The following CCDC171 variants were observed in gnomAD, a reference collection of about 807,000 sequenced individuals.
CCDC171 encodes the protein coiled-coil domain-containing protein 171.
Under a neutral mutation model 168.2 loss-of-function variants are expected in CCDC171, and 177 were observed. That is an observed-to-expected ratio of 1.05 (90% CI 0.93 to 1.19). CCDC171 has a LOEUF of 1.19. Among genes scored for constraint, CCDC171 ranks in the 50% most tolerant of loss-of-function variants. The pLI is 0.00. For synonymous variants in CCDC171, 687 were observed against 540.8 expected, an observed-to-expected ratio of 1.27 and a Z score of -3.75; for missense variants, 1,991 against 1,539.0, an observed-to-expected ratio of 1.29 and a Z score of -4.91.
intron 23 of CCDC171, among the ~76,000 whole-genome samples, chr9:15,872,993 A>G (rs1195028929): frequency 6.6e-6 from 1 of 152,112 alleles, no homozygotes; most frequent in Non-Finnish European, 1.5e-5. Flanking sequence ...TTTGTTGCAG[A>G]TAAATATACA....
chr9:15,778,639 G>C (rs2057478310), intron 19 of CCDC171, among the ~76,000 whole-genome samples: 1 of 26,376 alleles, frequency 3.8e-5, no homozygotes, highest in Non-Finnish European at 9.3e-5. Context: ...GAGTAAGACT[G>C]TCTCAAAAAA....
At chr9:15,562,248 C>T (rs1012999337) in intron 1 of CCDC171, among the ~76,000 whole-genome samples, 3 of 152,116 alleles carry the variant, frequency 2.0e-5, no homozygotes, top group Non-Finnish European at 4.4e-5. Context: ...CCCACCTCGG[C>T]CTCCCTAAGT....
At chr9:15,926,425 C>G (rs1478147018) in intron 25 of CCDC171, among the ~76,000 whole-genome samples, 3 of 151,666 alleles carry the variant, frequency 2.0e-5, no homozygotes, top group Admixed American at 6.6e-5. Context: ...CCAATCCATT[C>G]TTGCACCATC....
chr9:15,600,437 G>A (rs2131629253), intron 6 of CCDC171, among the ~76,000 whole-genome samples: 1 of 152,298 alleles, frequency 6.6e-6, no homozygotes, highest in Non-Finnish European at 1.5e-5. Context: ...AGCAGTAGAG[G>A]CTGCAGAACA....
At chr9:15,875,643 T>G (rs536614074) in intron 24 of CCDC171, 1 of 152,160 alleles carries the variant, frequency 6.6e-6, no homozygotes, top group East Asian at 1.9e-4. Context: ...TCATTTTAGT[T>G]TATGACCCTG....
chr9:15,871,992 ATACT>A (rs373227254), intron 23 of CCDC171, among the ~76,000 whole-genome samples: 9 of 152,002 alleles, frequency 5.9e-5, no homozygotes, highest in African/African-American at 1.7e-4. Context: ...AACATTTTAG[ATACT>A]TACTCTCAAA....
At chr9:15,598,244 G>T (rs1414608434) in intron 6 of CCDC171, among the ~76,000 whole-genome samples, 9 of 151,976 alleles carry the variant, frequency 5.9e-5, no homozygotes, top group African/African-American at 2.2e-4. Flanking sequence ...TGATGTTAGG[G>T]TGTCAATTTT....
chr9:15,553,230 C>T lies in CCDC171; in HGVS notation c.-184C>T, dbSNP rs1409325421. 1 of 153,040 alleles carries T rather than the reference C, an allele frequency of 6.5e-6. No individual in the cohort carries two copies. Among genetic ancestry groups the T allele is most frequent in the Non-Finnish European group, 1.5e-5 (1 of 68,736 alleles). 9.5% of individuals were successfully genotyped at this position (153,040 alleles called of 1,614,324 possible). On this transcript the variant is annotated 5_prime_UTR_variant, in exon 1 of 26. Coordinates refer to ENST00000380701, the MANE Select transcript of CCDC171 (RefSeq NM_173550.4). ...TTATTCCCGTGGGCTGCCTGGGCCT[C>T]CTTTCACCCGTGAGACTTGGAGCGG...
chr9:15,580,875 C>G (rs900146225), intron 4 of CCDC171, among the ~76,000 whole-genome samples: 5 of 152,124 alleles, frequency 3.3e-5, no homozygotes, highest in Non-Finnish European at 7.4e-5. Flanking sequence ...CGGCACAAGA[C>G]AAGGATGCCC....
chr9:15,655,157 A>C (rs542804945), intron 7 of CCDC171, among the ~76,000 whole-genome samples: 35 of 137,878 alleles, frequency 2.5e-4, no homozygotes, highest in Non-Finnish European at 3.9e-4. Context: ...CATTGTTCAC[A>C]TGCACCCTCA....
chr9:15,676,857 C>G (rs2049610962), intron 9 of CCDC171, among the ~76,000 whole-genome samples: 1 of 152,116 alleles, frequency 6.6e-6, no homozygotes, highest in African/African-American at 2.4e-5. Context: ...ACGTTTTCCT[C>G]TGGAAACTTA....
At chr9:15,898,013 G>A (rs1376445761) in intron 24 of CCDC171, among the ~76,000 whole-genome samples, 1 of 152,140 alleles carries the variant, frequency 6.6e-6, no homozygotes. Context: ...GAGTCTTACA[G>A]CATTATTGGA....
At chr9:15,757,500 G>T (rs1564355271) in intron 18 of CCDC171, among the ~76,000 whole-genome samples, 1 of 152,192 alleles carries the variant, frequency 6.6e-6, no homozygotes, top group African/African-American at 2.4e-5. Context: ...AAGAGAAGCA[G>T]AGCATAAAAG....
chr9:15,766,391 A>G (rs1007410703), intron 18 of CCDC171, among the ~76,000 whole-genome samples: 1 of 150,422 alleles, frequency 6.6e-6, no homozygotes, highest in African/African-American at 2.4e-5. Flanking sequence ...TTATAGATGT[A>G]TACCACCATG....
At chr9:15,623,486 CA>C in intron 7 of CCDC171, 73 bp downstream of exon 7, 1 of 620,070 alleles carries the variant, frequency 1.6e-6, no homozygotes, top group Non-Finnish European at 2.6e-6. Context: ...CACACACACA[CA>C]CACACACACA....
At chr9:16,069,325 C>T in the CCDC171 span, among the ~76,000 whole-genome samples, 1 of 152,274 alleles carries the variant, frequency 6.6e-6, no homozygotes, top group African/African-American at 2.4e-5. Context: ...TTCAAAAATG[C>T]TGAGAGTGAA....
intron 6 of CCDC171, among the ~76,000 whole-genome samples, chr9:16,033,894 C>G (rs1388958597): frequency 4.6e-5 from 7 of 152,180 alleles, no homozygotes; most frequent in Non-Finnish European, 1.0e-4. Context: ...GCAGGTGTGC[C>G]TCCTGGTTGT....
At chr9:15,630,469 G>C (rs1402946293) in intron 7 of CCDC171, among the ~76,000 whole-genome samples, 10 of 152,124 alleles carry the variant, frequency 6.6e-5, no homozygotes, top group Non-Finnish European at 1.2e-4. Context: ...TCAACAAGAA[G>C]AGCTAACTAT....
At chr9:15,749,202 A>C (rs1171581314) in intron 18 of CCDC171, among the ~76,000 whole-genome samples, 2 of 152,140 alleles carry the variant, frequency 1.3e-5, no homozygotes, top group East Asian at 3.8e-4. Flanking sequence ...CTTTAAACCA[A>C]CAAAGATCGA....
Sources: gnomAD v4.1 joint callset for allele counts (sites outside exome capture counted in the v4.1 genomes callset) on GRCh38, gnomAD v4.1.1 for gene constraint, MANE v1.5 for transcripts, NCBI Gene and HGNC (gene_info 2026-07-23, HGNC 2026-07-21) for gene names.